The following CILP variants were observed in gnomAD, a reference collection of about 807,000 sequenced individuals.
CILP encodes cartilage intermediate layer protein, also known as cartilage intermediate layer protein 1.
CILP carries 75 observed loss-of-function variants against 82.5 expected under a neutral mutation model. The ratio of observed to expected loss-of-function variants is 0.91; its 90% CI spans 0.75 to 1.10. The LOEUF (loss-of-function observed/expected upper bound fraction) is 1.10. Among genes scored for constraint, CILP ranks in the 50% least tolerant of loss-of-function variants. The pLI, the probability that CILP is intolerant of heterozygous loss-of-function variation, is 0.00. For missense variants in CILP, 1,479 were observed against 1,530.8 expected, an observed-to-expected ratio of 0.97 and a Z score of 0.56; for synonymous variants, 530 against 580.3, an observed-to-expected ratio of 0.91 and a Z score of 1.25.
At chr15:65,200,382 A>G (rs2088434105) in intron 8 of CILP, among the ~76,000 whole-genome samples, 1 of 152,156 alleles carries the variant, frequency 6.6e-6, no homozygotes, top group Non-Finnish European at 1.5e-5. Context: ...GTCTGCCCTG[A>G]GGTCTGTTGC....
Position 65,197,697 on chromosome 15 carries a change from G to A in CILP, c.2589C>T (p.Asp863=). Residue 863 remains aspartate, a synonymous_variant, in exon 9 of 9, where the codon GAC becomes GAT. Coordinates refer to ENST00000261883, the MANE Select transcript of CILP (RefSeq NM_003613.4). ...TCTTTTTAACCCGTGGATCCTCATGGTCCGTCCGACGGTAGTTGAGCTTGT... is the reference window on the plus strand; with the variant it reads ...TCTTTTTAACCCGTGGATCCTCATGATCCGTCCGACGGTAGTTGAGCTTGT... ...YLNKLNYRRT[D]HEDPRVKKTA... 6.2e-7 allele frequency: 1 copy of A among 1,613,574 alleles called. No individual in the cohort carries two copies. Among genetic ancestry groups the A allele is most frequent in the Non-Finnish European group, 8.5e-7 (1 of 1,180,044 alleles).
chr15:65,198,737 C>T lies in CILP; in HGVS notation c.1549G>A (p.Val517Ile), dbSNP rs1289406731. 3.7e-6 allele frequency: 6 copies of T among 1,614,118 alleles called. No individual in the cohort carries two copies. The highest frequency in any genetic ancestry group is 4.2e-6 in the Non-Finnish European group (5 of 1,180,052). The change falls in exon 9 of 9, where the codon GTA (valine) becomes ATA (isoleucine). Residue 517 changes from valine to isoleucine, a missense_variant. Transcript: ENST00000261883. ...GTGCCCTTGTAGCCAGTCATGCTTA[C>T]ACGGCTGTTCCCCATGTACACATGG... ...FGHVYMGNSR[V>I]SMTGYKGTFT...
At chr15:65,207,968 A>G (rs1241606839) in intron 2 of CILP, among the ~76,000 whole-genome samples, 2 of 152,200 alleles carry the variant, frequency 1.3e-5, no homozygotes, top group African/African-American at 4.8e-5. Context: ...GGAATGCACT[A>G]ATAATTGCTG....
At position 65,198,696 on chromosome 15, in the gene CILP, G is replaced by A. The variant is rs906735342; in HGVS notation, c.1590C>T (p.Val530=). Reference sequence around the variant, plus strand: ...GCACCAGCCTCTCAGTGTCCTGGGGGACATGGAGGGTGAAAGTGCCCTTGT... The same window carrying A: ...GCACCAGCCTCTCAGTGTCCTGGGGAACATGGAGGGTGAAAGTGCCCTTGT... ...TGYKGTFTLH[V]PQDTERLVLT... Residue 530 remains valine (V), a synonymous_variant, in exon 9 of 9, where the codon GTC becomes GTT. Coordinates refer to ENST00000261883, the MANE Select transcript of CILP (RefSeq NM_003613.4). The A allele has an allele frequency of 2.5e-6, 4 of 1,614,096 alleles. No individual in the cohort carries two copies. Among genetic ancestry groups the A allele is most frequent in the Admixed American group, 1.7e-5 (1 of 60,014 alleles).
rs751865393 is a variant in CILP, at chr15:65,197,388, C to A, written c.2898G>T (p.Val966=). ...IKVKIVGPLE[V]NVRSRNMGGT... ...CCCCCATGTTGCGGGATCGCACATT[C>A]ACTTCCAGTGGCCCCACAATCTTCA... The change falls in exon 9 of 9, where the codon GTG becomes GTT. Residue 966 remains valine (V), a synonymous_variant. Coordinates refer to ENST00000261883, the MANE Select transcript of CILP (RefSeq NM_003613.4). 1.1e-5 allele frequency: 18 copies of A among 1,614,238 alleles called. No individual in the cohort carries two copies. The South Asian group carries it at 1.9e-4, about 17-fold the overall frequency.
At chr15:65,204,238 C>T in intron 6 of CILP, 30 bp downstream of exon 6, 3 of 1,592,498 alleles carry the variant, frequency 1.9e-6, no homozygotes, top group Non-Finnish European at 2.6e-6. Flanking sequence ...TGGACCTTCT[C>T]ACCAGCCCTA....
In CILP at chr15:65,197,122, T is replaced by G; in HGVS notation, c.3164A>C (p.Asn1055Thr). 1 of 1,613,946 alleles carries G rather than the reference T, an allele frequency of 6.2e-7. No individual in the cohort carries two copies. The highest frequency in any genetic ancestry group is 1.1e-5 in the South Asian group (1 of 91,080). The change falls in exon 9 of 9, where the codon AAC becomes ACC. Residue 1055 changes from asparagine to threonine, a missense_variant. Coordinates refer to ENST00000261883, the MANE Select transcript of CILP (RefSeq NM_003613.4). ...CATGGTGTACTCACTGGTGTCGTTG[T>G]TGACTGCAAGTGGCAAGTGGTTGAC... ...YLVNHLPLAVNNDTSEYTMLA... is the reference protein window; with the variant it reads ...YLVNHLPLAVTNDTSEYTMLA...
Position 65,202,006 on chromosome 15 carries a change from T to G in CILP, c.1052A>C (p.Asp351Ala), listed in dbSNP as rs776997614. 6.3e-7 allele frequency: 1 copy of G among 1,594,966 alleles called. No individual in the cohort carries two copies. The highest frequency in any genetic ancestry group is 2.3e-5 in the East Asian group (1 of 43,356). ...YFWYHNDTLL[D>A]PSLYKHESKL... The stretch of plus-strand genomic sequence containing the variant: ...GCTCTCATGCTTGTAGAGGGAAGGA[T>G]CCAGCAATGTGTCATTATGATACCT... The change falls in exon 8 of 9, where the codon GAT becomes GCT. Residue 351 changes from aspartate (D) to alanine (A), a missense_variant. Physicochemically the swap from Asp to Ala is moderately radical, Grantham distance 126. Transcript: ENST00000261883.
rs181275461 is a variant in CILP, at chr15:65,209,119, C to T, written c.61+576G>A. Among the ~76,000 whole-genome samples, 44 of 141,972 alleles carry T rather than the reference C, an allele frequency of 3.1e-4. 2 individuals carry two copies. In the South Asian group the frequency reaches 8.9e-3, roughly 29 times the overall value. 93.1% of individuals were successfully genotyped at this position (141,972 alleles called of 152,430 possible). A position where few individuals can be genotyped will look rare whatever the true frequency, so the allele number is the denominator to read the frequency against. ...GAGAGAGTGTGCAGGGGAGGGCTGACGCTTAGATGCCTTGGGAAGTCTTCT... is the reference window on the plus strand; with the variant it reads ...GAGAGAGTGTGCAGGGGAGGGCTGATGCTTAGATGCCTTGGGAAGTCTTCT... On this transcript the variant is annotated intron_variant, in intron 2 of 8. Transcript: ENST00000261883.
intron 8 of CILP, among the ~76,000 whole-genome samples, chr15:65,200,026 C>T (rs2088430666): frequency 6.6e-6 from 1 of 152,120 alleles, no homozygotes. Context: ...AGAATGATAC[C>T]TCTGTATCCA....
chr15:65,201,750 A>G, intron 8 of CILP, 122 bp downstream of exon 8: 1 of 523,636 alleles, frequency 1.9e-6, no homozygotes, highest in East Asian at 3.6e-5. Flanking sequence ...AAAAAAAAAA[A>G]GAAAGAAAGA....
rs182094819 is a variant in CILP, at chr15:65,196,468, C to G, written c.*263G>C. 529 of 393,698 alleles carry G rather than the reference C, an allele frequency of 1.3e-3. 1 individual carries two copies. The highest frequency in any genetic ancestry group is 3.3e-3 in the Middle Eastern group (5 of 1,534). The allele number at this position is 393,698 out of a possible 1,614,324, so 24.4% of individuals were successfully genotyped here. On this transcript the variant is annotated 3_prime_UTR_variant, in exon 9 of 9. Coordinates refer to ENST00000261883, the MANE Select transcript of CILP (RefSeq NM_003613.4). ...TGCATTAATGGCATTAAATGAAGTA[C>G]AGTTGAAGCTGCAGAGTTTTACCAG...
In CILP at chr15:65,204,375, C is replaced by T. The variant is rs879120858; in HGVS notation, c.812G>A (p.Gly271Asp). Residue 271 changes from glycine (G) to aspartate (D), a missense_variant, in exon 6 of 9, where the codon GGC becomes GAC. Gly to Asp is a moderately conservative substitution (Grantham distance 94). Coordinates refer to ENST00000261883, the MANE Select transcript of CILP (RefSeq NM_003613.4). Reference protein sequence around the residue: ...RFRIPGLCPDGKSILKITKVK... With the variant: ...RFRIPGLCPDDKSILKITKVK... Reference sequence around the variant, plus strand: ...CTTTGTGATCTTCAGGATGCTTTTGCCATCAGGGCACAAGCCAGGGATTCG... The same window carrying T: ...CTTTGTGATCTTCAGGATGCTTTTGTCATCAGGGCACAAGCCAGGGATTCG... 1 of 1,614,172 alleles carries T rather than the reference C, an allele frequency of 6.2e-7. No homozygotes were observed. The highest frequency in any genetic ancestry group is 8.5e-7 in the Non-Finnish European group (1 of 1,180,028).
chr15:65,201,062 C>T (rs1037845471), intron 8 of CILP, among the ~76,000 whole-genome samples: 9 of 151,830 alleles, frequency 5.9e-5, no homozygotes, highest in Non-Finnish European at 1.3e-4. Context: ...AGTGCAGTGG[C>T]GTGAACTCGG....
chr15:65,198,740 G>A lies in CILP; in HGVS notation c.1546C>T (p.Arg516Cys), dbSNP rs376689702. Reference sequence around the variant, plus strand: ...CCCTTGTAGCCAGTCATGCTTACACGGCTGTTCCCCATGTACACATGGCCA... The same window carrying A: ...CCCTTGTAGCCAGTCATGCTTACACAGCTGTTCCCCATGTACACATGGCCA... ...RFGHVYMGNS[R>C]VSMTGYKGTF... Residue 516 changes from arginine to cysteine, a missense_variant, in exon 9 of 9, where the codon CGT becomes TGT. By Grantham distance (180) the Arg-to-Cys change is radical. Coordinates refer to ENST00000261883, the MANE Select transcript of CILP (RefSeq NM_003613.4). The A allele has an allele frequency of 1.3e-4, 206 of 1,614,058 alleles. 1 individual carries two copies. Among genetic ancestry groups the A allele is most frequent in the East Asian group, 1.6e-4 (7 of 44,894 alleles).
rs2088380833 is a variant in CILP at position 65,197,333 on chromosome 15, A to G, written c.2953T>C (p.Tyr985His). The change falls in exon 9 of 9, where the codon TAT (tyrosine) becomes CAT (histidine). Residue 985 changes from tyrosine (Y) to histidine (H), a missense_variant. Tyr to His is a moderately conservative substitution (Grantham distance 83). Coordinates refer to ENST00000261883, the MANE Select transcript of CILP (RefSeq NM_003613.4). ...GTHRQTVGKLYGIRDVRSTRD... is the reference protein window; with the variant it reads ...GTHRQTVGKLHGIRDVRSTRD... ...GTGCTCCTCACATCTCGGATTCCATACAGCTTCCCCACTGTCTGCCGATGA... is the reference window on the plus strand; with the variant it reads ...GTGCTCCTCACATCTCGGATTCCATGCAGCTTCCCCACTGTCTGCCGATGA... 10 of 1,613,964 alleles carry G rather than the reference A, an allele frequency of 6.2e-6. No homozygotes were observed. Among genetic ancestry groups the G allele is most frequent in the Non-Finnish European group, 7.6e-6 (9 of 1,180,020 alleles).
Position 65,205,801 on chromosome 15 carries a change from A to G in CILP, c.425-335T>C, listed in dbSNP as rs542934560. Reference sequence around the variant, plus strand: ...AGTGTGGAAACGGCCACATGCTCCTATGGAAGGACTCCCTGGGAATCAGGG... The same window carrying G: ...AGTGTGGAAACGGCCACATGCTCCTGTGGAAGGACTCCCTGGGAATCAGGG... On this transcript the variant is annotated intron_variant, in intron 4 of 8. Coordinates refer to ENST00000261883, the MANE Select transcript of CILP (RefSeq NM_003613.4). Among the ~76,000 whole-genome samples the G allele has an allele frequency of 1.2e-4, 18 of 152,280 alleles. No individual in the cohort carries two copies. In the East Asian group the frequency reaches 3.1e-3, roughly 26 times the overall value.
chr15:65,206,119 G>A (rs978782226), intron 4 of CILP, among the ~76,000 whole-genome samples: 13 of 152,146 alleles, frequency 8.5e-5, no homozygotes, highest in Admixed American at 1.3e-4. Flanking sequence ...CTGCAAACAC[G>A]GACATGGTTC....
At chr15:65,201,006 CTTCT>C (rs983468695) in intron 8 of CILP, among the ~76,000 whole-genome samples, 6 of 102,142 alleles carry the variant, frequency 5.9e-5, no homozygotes, top group Non-Finnish European at 1.1e-4. Context: ...TTTTCTTCTT[CTTCT>C]TTTTTTTTTG....
Sources: gnomAD v4.1 joint callset for allele counts (sites outside exome capture counted in the v4.1 genomes callset) on GRCh38, gnomAD v4.1.1 for gene constraint, MANE v1.5 for transcripts, NCBI Gene and HGNC (gene_info 2026-07-23, HGNC 2026-07-21) for gene names.